Variants in SUMF1 observed in about 807,000 individuals in gnomAD.
SUMF1 encodes the protein sulfatase modifying factor 1.
A neutral mutation model predicts 47.6 loss-of-function variants in SUMF1; 48 were observed. The observed-to-expected ratio is 1.01, with a 90% CI of 0.80 to 1.28. SUMF1 has a LOEUF of 1.28. Among genes scored for constraint, SUMF1 ranks in the 50% most tolerant of loss-of-function variants. The pLI, the probability that SUMF1 is intolerant of heterozygous loss-of-function variation, is 0.00. For synonymous variants in SUMF1, 230 were observed against 192.1 expected, an observed-to-expected ratio of 1.20 and a Z score of -1.63; for missense variants, 571 against 485.4, an observed-to-expected ratio of 1.18 and a Z score of -1.66.
chr3:4,244,964 C>A (rs1335630059), intron 8 of SUMF1, among the ~76,000 whole-genome samples: 1 of 151,922 alleles, frequency 6.6e-6, no homozygotes, highest in African/African-American at 2.4e-5. Flanking sequence ...TTTCTCTTGT[C>A]TTCTTGCTTT....
chr3:4,204,906 T>C (rs540335680), intron 8 of SUMF1, among the ~76,000 whole-genome samples: 1 of 152,264 alleles, frequency 6.6e-6, no homozygotes, highest in South Asian at 2.1e-4. Flanking sequence ...TTCTTGAATT[T>C]TGTTGAGCTT....
chr3:4,272,244 A>G (rs1406715795), intron 8 of SUMF1, among the ~76,000 whole-genome samples: 5 of 152,224 alleles, frequency 3.3e-5, no homozygotes, highest in East Asian at 1.9e-4. Flanking sequence ...TGCAGGAAAC[A>G]TTAGGAAAAG....
chr3:4,277,044 T>A (rs910548195), intron 8 of SUMF1, among the ~76,000 whole-genome samples: 5 of 152,126 alleles, frequency 3.3e-5, no homozygotes, highest in African/African-American at 1.2e-4. Flanking sequence ...ACTTTGGAGA[T>A]AATCTAATCC....
At chr3:4,373,071 A>G (rs1447727729) in intron 8 of SUMF1, among the ~76,000 whole-genome samples, 2 of 152,238 alleles carry the variant, frequency 1.3e-5, no homozygotes, top group Admixed American at 6.5e-5. Flanking sequence ...AAATCCTTCA[A>G]GTAAGCTAAG....
chr3:4,393,124 CT>C (rs754218939), intron 7 of SUMF1, among the ~76,000 whole-genome samples: 5 of 152,138 alleles, frequency 3.3e-5, no homozygotes, highest in African/African-American at 4.8e-5. Flanking sequence ...CGCGATCTCC[CT>C]GTTAAATTTC....
At chr3:4,161,963 G>A (rs1694587188) in intron 8 of SUMF1, among the ~76,000 whole-genome samples, 2 of 152,116 alleles carry the variant, frequency 1.3e-5, no homozygotes, top group South Asian at 2.1e-4. Flanking sequence ...CCCACAGCAT[G>A]TATTACCGGG....
intron 8 of SUMF1, among the ~76,000 whole-genome samples, chr3:4,187,527 A>G (rs1004411435): frequency 6.6e-6 from 1 of 152,200 alleles, no homozygotes; most frequent in Non-Finnish European, 1.5e-5. Context: ...AGCACAATAT[A>G]GATGCTCAGT....
chr3:4,380,455 G>A (rs1303702899), intron 7 of SUMF1, among the ~76,000 whole-genome samples: 1 of 152,162 alleles, frequency 6.6e-6, no homozygotes, highest in Non-Finnish European at 1.5e-5. Context: ...GATGCGGACT[G>A]AAAAACTACA....
Position 4,073,205 on chromosome 3 carries a change from T to C in SUMF1, c.1015-4460A>G, listed in dbSNP as rs180965508. On this transcript the variant is annotated intron_variant and NMD_transcript_variant, in intron 8 of 12. Coordinates refer to the SUMF1 transcript ENST00000448413. ...TCAACATTCTTAAAGAAAAGAATTT[T>C]CAACCCAGAATTTCATATCCAGCCA... 9.8e-3 allele frequency among the ~76,000 whole-genome samples: 1,486 copies of C among 152,294 alleles called. 14 individuals are homozygous for C. The highest frequency in any genetic ancestry group is 0.015 in the Non-Finnish European group (1,033 of 68,018).
chr3:4,076,422 ACATAGG>A (rs1179246242), intron 8 of SUMF1, among the ~76,000 whole-genome samples: 1 of 152,302 alleles, frequency 6.6e-6, no homozygotes, highest in African/African-American at 2.4e-5. Flanking sequence ...ACCATTCAGG[ACATAGG>A]CATGGGCAAA....
At chr3:4,175,846 G>C (rs545633885) in intron 8 of SUMF1, among the ~76,000 whole-genome samples, 159 of 152,288 alleles carry the variant, frequency 1.0e-3, no homozygotes, top group African/African-American at 3.7e-3. Context: ...GACCTTAAAT[G>C]ACCTGGTGGA....
intron 1 of SUMF1, among the ~76,000 whole-genome samples, chr3:4,461,705 T>C (rs1011391002): frequency 2.6e-5 from 4 of 152,066 alleles, no homozygotes; most frequent in South Asian, 2.1e-4. Flanking sequence ...CTGGAGACTA[T>C]AGATAAAAAT....
At position 4,442,406 on chromosome 3, in the gene SUMF1, A is replaced by C. The variant is rs1204214587; in HGVS notation, c.519+6860T>G. On this transcript the variant is annotated intron_variant, in intron 3 of 8. Coordinates refer to ENST00000272902, the MANE Select transcript of SUMF1 (RefSeq NM_182760.4). ...GAGTAGCTGGGACTACAGGCGCCCAACACCACGCCCGGCTAATTTTTTTTT... is the reference window on the plus strand; with the variant it reads ...GAGTAGCTGGGACTACAGGCGCCCACCACCACGCCCGGCTAATTTTTTTTT... Among the ~76,000 whole-genome samples, 172 of 130,246 alleles carry C rather than the reference A, an allele frequency of 1.3e-3. 1 individual carries two copies. Among genetic ancestry groups the C allele is most frequent in the African/African-American group, 3.8e-3 (144 of 37,724 alleles). The allele number at this position is 130,246 out of a possible 152,430, so 85.4% of individuals were successfully genotyped here.
intron 8 of SUMF1, among the ~76,000 whole-genome samples, chr3:4,152,090 C>T (rs1211951427): frequency 6.6e-6 from 1 of 151,328 alleles, no homozygotes; most frequent in African/African-American, 2.5e-5. Flanking sequence ...GACTATGGGC[C>T]ATAAAGGTTA....
intron 8 of SUMF1, among the ~76,000 whole-genome samples, chr3:4,110,390 C>T (rs1395448316): frequency 6.6e-6 from 1 of 152,036 alleles, no homozygotes; most frequent in Non-Finnish European, 1.5e-5. Context: ...CTTGAGGAGG[C>T]AGTGGGACTG....
rs1385048926 is a variant in SUMF1, at chr3:4,393,290, G to A, written c.955-16901C>T. 2.0e-5 allele frequency among the ~76,000 whole-genome samples: 3 copies of A among 152,080 alleles called. No individual in the cohort carries two copies. In the South Asian group the frequency reaches 6.2e-4, roughly 32 times the overall value. On this transcript the variant is annotated intron_variant, in intron 7 of 8. Coordinates refer to ENST00000272902, the MANE Select transcript of SUMF1 (RefSeq NM_182760.4). The stretch of plus-strand genomic sequence containing the variant: ...CCCTGAATCAAGTCAATCTTTGGCT[G>A]TAAGGCTTTGGTTTTCGCCACCAGT...
chr3:4,224,360 T>A (rs1696130254), intron 8 of SUMF1, among the ~76,000 whole-genome samples: 1 of 152,110 alleles, frequency 6.6e-6, no homozygotes, highest in South Asian at 2.1e-4. Flanking sequence ...CTGTTTTTTA[T>A]TGAATTCAGC....
chr3:4,170,159 A>G (rs1694800781), intron 8 of SUMF1, among the ~76,000 whole-genome samples: 1 of 152,184 alleles, frequency 6.6e-6, no homozygotes, highest in Non-Finnish European at 1.5e-5. Context: ...TTGTGCTACA[A>G]CAGTAAAGTC....
chr3:4,260,823 T>A (rs1012001774), intron 8 of SUMF1, among the ~76,000 whole-genome samples: 1 of 152,116 alleles, frequency 6.6e-6, no homozygotes, highest in Non-Finnish European at 1.5e-5. Context: ...ACCCTCCATA[T>A]GTGCGTGTCC....
Sources: gnomAD v4.1 joint callset for allele counts (sites outside exome capture counted in the v4.1 genomes callset) on GRCh38, gnomAD v4.1.1 for gene constraint, MANE v1.5 for transcripts, NCBI Gene and HGNC (gene_info 2026-07-23, HGNC 2026-07-21) for gene names.